PLEKHH2: variants seen among roughly 807,000 people sequenced by gnomAD.
The protein encoded by PLEKHH2 is pleckstrin homology domain-containing family H member 2.
PLEKHH2 carries 129 observed loss-of-function variants against 187.9 expected under a neutral mutation model. The observed-to-expected ratio is 0.69, with a 90% confidence interval of 0.59 to 0.79. The LOEUF (loss-of-function observed/expected upper bound fraction) is 0.79. Ranked by LOEUF, PLEKHH2 falls within the 30% of genes least tolerant of loss-of-function variation. The pLI is 0.00. For missense variants in PLEKHH2, 2,076 were observed against 1,751.2 expected (o/e 1.19, Z -3.31); for synonymous variants, 686 against 605.6 (o/e 1.13, Z -1.95).
intron 16 of PLEKHH2, among the ~76,000 whole-genome samples, chr2:43,721,715 G>C (rs1401388015): frequency 6.6e-6 from 1 of 151,998 alleles, no homozygotes; most frequent in African/African-American, 2.4e-5. Context: ...GTGGGAACCT[G>C]TCTCTACAAA....
chr2:43,703,065 T>C (rs1168519720), intron 8 of PLEKHH2, among the ~76,000 whole-genome samples: 1 of 152,206 alleles, frequency 6.6e-6, no homozygotes, highest in Non-Finnish European at 1.5e-5. Flanking sequence ...TACATCTGAT[T>C]CACTCAGCCA....
chr2:43,678,031 G>A (rs1051693165), intron 2 of PLEKHH2, among the ~76,000 whole-genome samples: 6 of 151,648 alleles, frequency 4.0e-5, no homozygotes, highest in Non-Finnish European at 8.8e-5. Context: ...TCACTTCTCA[G>A]ACGAGGCGGC....
At chr2:43,714,991 T>C (rs1670146260) in intron 15 of PLEKHH2, among the ~76,000 whole-genome samples, 1 of 152,002 alleles carries the variant, frequency 6.6e-6, no homozygotes, top group Non-Finnish European at 1.5e-5. Flanking sequence ...GAATGAAGGC[T>C]TAGAGTCTTG....
At chr2:43,675,957 G>C (rs751156756) in intron 2 of PLEKHH2, 1 of 1,613,906 alleles carries the variant, frequency 6.2e-7, no homozygotes. Context: ...ATTTGTAAGC[G>C]GTCCTCATCT....
chr2:43,743,796 T>C (rs1671667483), intron 22 of PLEKHH2, 38 bp from the exon 23 acceptor site: 1 of 1,561,644 alleles, frequency 6.4e-7, no homozygotes, highest in Admixed American at 1.7e-5. Context: ...AAACTATATA[T>C]TTCTTATTAA....
chr2:43,708,938 G>A (rs1051260345), intron 11 of PLEKHH2, among the ~76,000 whole-genome samples: 4 of 152,180 alleles, frequency 2.6e-5, no homozygotes, highest in Non-Finnish European at 4.4e-5. Flanking sequence ...TGTCACAAGA[G>A]TGGCATTGTT....
intron 25 of PLEKHH2, among the ~76,000 whole-genome samples, chr2:43,755,648 T>G (rs1672186068): frequency 6.6e-6 from 1 of 152,150 alleles, no homozygotes; most frequent in African/African-American, 2.4e-5. Context: ...TGACATAGCT[T>G]GAGAGCCAGT....
At chr2:43,722,086 T>C (rs1670508776) in intron 16 of PLEKHH2, among the ~76,000 whole-genome samples, 1 of 148,028 alleles carries the variant, frequency 6.8e-6, no homozygotes, top group Non-Finnish European at 1.5e-5. Flanking sequence ...ACCTAGTCTC[T>C]ACTAAAAAAA....
In PLEKHH2 at chr2:43,700,004, A is replaced by G. The variant is rs1669277375; in HGVS notation, c.1046A>G (p.Lys349Arg). 1.9e-6 allele frequency: 3 copies of G among 1,614,202 alleles called. No homozygotes were observed. The highest frequency in any genetic ancestry group is 2.7e-5 in the African/African-American group (2 of 75,052). Residue 349 changes from lysine (K) to arginine (R), a missense_variant, in exon 8 of 30, where the codon AAG (lysine) becomes AGG (arginine). Physicochemically the swap from Lys to Arg is conservative, Grantham distance 26 (BLOSUM62 2). Coordinates refer to ENST00000282406, the MANE Select transcript of PLEKHH2 (RefSeq NM_172069.4). ...TTTGGCATAAAGAGACCAGAACACA[A>G]GAAGCTATATTCTTGGCAGCAGGAG... Reference protein sequence around the residue: ...ETFGIKRPEHKKLYSWQQEAQ... With the variant: ...ETFGIKRPEHRKLYSWQQEAQ...
At chr2:43,757,320 T>C in intron 26 of PLEKHH2, 56 bp downstream of exon 26, 13 of 1,296,448 alleles carry the variant, frequency 1.0e-5, no homozygotes, top group Non-Finnish European at 1.3e-5. Context: ...TTTTTGGTAA[T>C]ATTTTTGTGT....
intron 3 of PLEKHH2, among the ~76,000 whole-genome samples, chr2:43,682,522 G>T (rs1394600070): frequency 2.6e-5 from 4 of 152,074 alleles, no homozygotes; most frequent in Admixed American, 2.0e-4. Flanking sequence ...GGCCAGGCTG[G>T]TCTCGAACTC....
chr2:43,666,010 AGCTTCCCG>A (rs930642641), intron 2 of PLEKHH2, among the ~76,000 whole-genome samples: 5 of 145,234 alleles, frequency 3.4e-5, no homozygotes, highest in Non-Finnish European at 6.0e-5. Flanking sequence ...ACCCAGTTCG[AGCTTCCCG>A]GCTGCTTTGT....
At chr2:43,697,132 A>T in intron 6 of PLEKHH2, 39 bp from the exon 7 acceptor site, 1 of 1,486,680 alleles carries the variant, frequency 6.7e-7, no homozygotes, top group East Asian at 2.3e-5. Flanking sequence ...AAACTTCTAT[A>T]AAAAATTCAA....
At chr2:43,686,314 C>T (rs1558488373) in intron 3 of PLEKHH2, among the ~76,000 whole-genome samples, 1 of 152,016 alleles carries the variant, frequency 6.6e-6, no homozygotes. Context: ...CTCCTGCCTC[C>T]ACCTCCCGAG....
At chr2:43,693,082 G>A (rs1211071752) in intron 4 of PLEKHH2, among the ~76,000 whole-genome samples, 6 of 146,486 alleles carry the variant, frequency 4.1e-5, no homozygotes, top group African/African-American at 1.0e-4. Flanking sequence ...CATACACCAC[G>A]ACACCCAGCT....
At chr2:43,701,230 C>G (rs1669345516) in intron 8 of PLEKHH2, among the ~76,000 whole-genome samples, 1 of 152,172 alleles carries the variant, frequency 6.6e-6, no homozygotes, top group South Asian at 2.1e-4. Context: ...AAGCCATGCC[C>G]CTCTAAAACT....
chr2:43,637,465 G>T (rs1202033723), intron 1 of PLEKHH2, 86 bp downstream of exon 1: 1 of 152,484 alleles, frequency 6.6e-6, no homozygotes, highest in Non-Finnish European at 1.5e-5. Context: ...CGTCCAGGGG[G>T]GCTCGCGGGG....
At chr2:43,707,690 T>G in intron 11 of PLEKHH2, 145 bp downstream of exon 11, 3 of 851,486 alleles carry the variant, frequency 3.5e-6, no homozygotes, top group Non-Finnish European at 5.3e-6. Flanking sequence ...ATGACTGATA[T>G]GTTTATATTC....
intron 19 of PLEKHH2, 23 bp from the exon 20 acceptor site, chr2:43,738,318 A>G (rs578236468): frequency 2.7e-5 from 43 of 1,578,782 alleles, no homozygotes; most frequent in East Asian, 4.5e-5. Context: ...CACCTTGAAT[A>G]TATCTTTTTT....
Sources: allele counts gnomAD v4.1 joint callset (sites outside exome capture counted in the v4.1 genomes callset), GRCh38; gene constraint gnomAD v4.1.1; transcripts MANE v1.5; gene names NCBI Gene and HGNC (gene_info 2026-07-23, HGNC 2026-07-21).